BARX2: variants seen among roughly 807,000 people sequenced by gnomAD.
BARX2 encodes homeobox protein BarH-like 2.
Under a neutral mutation model 25.5 loss-of-function variants are expected in BARX2, and 11 were observed. The observed-to-expected ratio is 0.43, with a 90% CI of 0.27 to 0.71. The LOEUF is 0.71. Among genes scored for constraint, BARX2 ranks in the 30% least tolerant of loss-of-function variants. BARX2 has a pLI of 0.19. For missense variants in BARX2, 360 were observed against 359.9 expected, an observed-to-expected ratio of 1.00 and a Z score of 0.00; for synonymous variants, 137 against 149.5, an observed-to-expected ratio of 0.92 and a Z score of 0.61.
At chr11:129,378,376 A>T (rs1213632936) in intron 1 of BARX2, among the ~76,000 whole-genome samples, 1 of 152,194 alleles carries the variant, frequency 6.6e-6, no homozygotes, top group Non-Finnish European at 1.5e-5. Flanking sequence ...TGGGAATCCC[A>T]TTAGTGTCTT....
chr11:129,421,343 G>A (rs539112627), intron 1 of BARX2, among the ~76,000 whole-genome samples: 64 of 152,212 alleles, frequency 4.2e-4, no homozygotes, highest in African/African-American at 1.5e-3. Context: ...AAAGAGAAAG[G>A]GAGAGGAACT....
intron 1 of BARX2, among the ~76,000 whole-genome samples, chr11:129,409,055 G>A (rs1591435758): frequency 6.6e-6 from 1 of 151,404 alleles, no homozygotes; most frequent in East Asian, 1.9e-4. Context: ...CCAGGAGCTA[G>A]CTACCCATAT....
intron 1 of BARX2, among the ~76,000 whole-genome samples, chr11:129,393,121 TA>T (rs1282510769): frequency 6.6e-6 from 1 of 151,464 alleles, no homozygotes; most frequent in Non-Finnish European, 1.5e-5. Context: ...AAATAAAAAT[TA>T]AAAAAAATTA....
intron 1 of BARX2, among the ~76,000 whole-genome samples, chr11:129,382,473 C>G (rs1861576287): frequency 6.6e-6 from 1 of 152,138 alleles, no homozygotes; most frequent in African/African-American, 2.4e-5. Context: ...GCCACTGCAC[C>G]CAGCCGAGGC....
In BARX2 at chr11:129,385,841, C is replaced by A. The variant is rs1466985576; in HGVS notation, c.187+9619C>A. Among the ~76,000 whole-genome samples, 3 of 152,224 alleles carry A rather than the reference C, an allele frequency of 2.0e-5. No individual in the cohort carries two copies. The South Asian group carries it at 6.2e-4, about 32-fold the overall frequency. ...ATTGAAAAGTGATAGCACAAGAGAC[C>A]GCACATGTCCACAGAACTCTTAATC... On this transcript the variant is annotated intron_variant, in intron 1 of 3. Transcript: ENST00000281437.
At chr11:129,393,942 T>A (rs1305518994) in intron 1 of BARX2, among the ~76,000 whole-genome samples, 4 of 152,050 alleles carry the variant, frequency 2.6e-5, no homozygotes, top group African/African-American at 4.8e-5. Flanking sequence ...TATAAAACAT[T>A]TAAGAAATAA....
chr11:129,383,923 G>C (rs1341842492), intron 1 of BARX2, among the ~76,000 whole-genome samples: 2 of 152,144 alleles, frequency 1.3e-5, no homozygotes, highest in African/African-American at 2.4e-5. Context: ...ACTGAGGCTG[G>C]AGTGTAATGG....
intron 1 of BARX2, among the ~76,000 whole-genome samples, chr11:129,404,302 CA>C (rs1277751269): frequency 2.6e-5 from 4 of 152,224 alleles, no homozygotes; most frequent in African/African-American, 9.6e-5. Context: ...CCACAGATTA[CA>C]AGGGCATGCC....
At chr11:129,413,155 C>T (rs1046117457) in intron 1 of BARX2, among the ~76,000 whole-genome samples, 1 of 152,194 alleles carries the variant, frequency 6.6e-6, no homozygotes, top group Non-Finnish European at 1.5e-5. Context: ...ACTTCCCAGG[C>T]ACCGTGCTAA....
At chr11:129,382,602 C>A (rs1331156613) in intron 1 of BARX2, among the ~76,000 whole-genome samples, 1 of 149,788 alleles carries the variant, frequency 6.7e-6, no homozygotes, top group Non-Finnish European at 1.5e-5. Flanking sequence ...TATGGCTAAG[C>A]CCATTGACAA....
At chr11:129,425,595 C>T (rs1441857123) in intron 1 of BARX2, among the ~76,000 whole-genome samples, 3 of 152,180 alleles carry the variant, frequency 2.0e-5, no homozygotes, top group Non-Finnish European at 4.4e-5. Flanking sequence ...GTCTAGAAAC[C>T]TACCTGTTGG....
At chr11:129,441,385 T>G (rs1862255334) in intron 2 of BARX2, among the ~76,000 whole-genome samples, 1 of 152,202 alleles carries the variant, frequency 6.6e-6, no homozygotes, top group African/African-American at 2.4e-5. Context: ...ACTTTACATT[T>G]TGTGGGCCAT....
At chr11:129,447,775 A>G (rs1311654019) in intron 3 of BARX2, among the ~76,000 whole-genome samples, 1 of 152,108 alleles carries the variant, frequency 6.6e-6, no homozygotes, top group Non-Finnish European at 1.5e-5. Flanking sequence ...TTTGCCAATT[A>G]GGTGGCTTCC....
intron 2 of BARX2, among the ~76,000 whole-genome samples, chr11:129,442,101 ATATT>A (rs762424066): frequency 7.9e-5 from 12 of 152,140 alleles, no homozygotes; most frequent in Admixed American, 2.0e-4. Context: ...AATCTTTATA[ATATT>A]TATTTATTTA....
intron 2 of BARX2, among the ~76,000 whole-genome samples, chr11:129,438,850 G>C (rs1006973954): frequency 1.3e-5 from 2 of 152,188 alleles, no homozygotes; most frequent in African/African-American, 4.8e-5. Context: ...TGGGAGATGG[G>C]GTTAGGGGAG....
At chr11:129,401,123 A>G (rs1483839860) in intron 1 of BARX2, among the ~76,000 whole-genome samples, 2 of 152,220 alleles carry the variant, frequency 1.3e-5, no homozygotes, top group Non-Finnish European at 1.5e-5. Context: ...GATGACCCTG[A>G]CATTATCATC....
At chr11:129,407,261 A>C (rs1389849557) in intron 1 of BARX2, among the ~76,000 whole-genome samples, 1 of 152,170 alleles carries the variant, frequency 6.6e-6, no homozygotes, top group Non-Finnish European at 1.5e-5. Flanking sequence ...CTACATCTTC[A>C]TGTAACACAT....
chr11:129,427,868 A>G (rs1176244822), intron 1 of BARX2, among the ~76,000 whole-genome samples: 1 of 152,218 alleles, frequency 6.6e-6, no homozygotes, highest in Non-Finnish European at 1.5e-5. Context: ...GTTCACTGAC[A>G]GCTTTCAGAA....
At chr11:129,402,900 A>G (rs1023898207) in intron 1 of BARX2, among the ~76,000 whole-genome samples, 1 of 152,238 alleles carries the variant, frequency 6.6e-6, no homozygotes, top group Non-Finnish European at 1.5e-5. Context: ...CTATCATAAC[A>G]TAAGACATTC....
Sources: gnomAD v4.1 joint callset for allele counts (sites outside exome capture counted in the v4.1 genomes callset) on GRCh38, gnomAD v4.1.1 for gene constraint, MANE v1.5 for transcripts, NCBI Gene and HGNC (gene_info 2026-07-23, HGNC 2026-07-21) for gene names.